The following SRGAP1 variants were observed in gnomAD, a reference collection of about 807,000 sequenced individuals.
The protein encoded by SRGAP1 is SLIT-ROBO Rho GTPase activating protein 1.
A neutral mutation model predicts 121.9 loss-of-function variants in SRGAP1; 43 were observed. That is an observed-to-expected ratio of 0.35 (90% CI 0.28 to 0.46). SRGAP1 has a LOEUF of 0.46. Among genes scored for constraint, SRGAP1 ranks in the 20% least tolerant of loss-of-function variants. The pLI, the probability that SRGAP1 is intolerant of heterozygous loss-of-function variation, is 1.00. For missense variants in SRGAP1, 1,102 were observed against 1,350.9 expected (o/e 0.82, Z 2.89); for synonymous variants, 447 against 485.4 (o/e 0.92, Z 1.04).
At chr12:64,033,892 C>T (rs975039720) in intron 4 of SRGAP1, among the ~76,000 whole-genome samples, 265 of 150,556 alleles carry the variant, frequency 1.8e-3, no homozygotes, top group Non-Finnish European at 3.3e-3. Context: ...CAGTGGCAGG[C>T]GCCTGTAATC....
intron 4 of SRGAP1, among the ~76,000 whole-genome samples, chr12:64,042,131 A>G (rs1565653217): frequency 6.6e-6 from 1 of 151,984 alleles, no homozygotes; most frequent in Non-Finnish European, 1.5e-5. Flanking sequence ...TCCTGACCTC[A>G]AGTGATCTGT....
intron 1 of SRGAP1, among the ~76,000 whole-genome samples, chr12:63,911,435 A>G (rs2030496220): frequency 6.6e-6 from 1 of 152,086 alleles, no homozygotes; most frequent in South Asian, 2.1e-4. Context: ...TCAACCTTGC[A>G]TCTATCTCTG....
At chr12:64,046,323 AG>A (rs1373429119) in intron 6 of SRGAP1, among the ~76,000 whole-genome samples, 1 of 152,148 alleles carries the variant, frequency 6.6e-6, no homozygotes, top group Admixed American at 6.5e-5. Flanking sequence ...TTTTTTGAGC[AG>A]GGAAGTGACA....
At chr12:63,911,335 A>G (rs1173931176) in intron 1 of SRGAP1, among the ~76,000 whole-genome samples, 1 of 151,996 alleles carries the variant, frequency 6.6e-6, no homozygotes, top group Middle Eastern at 3.4e-3. Flanking sequence ...AAACACCTCA[A>G]TAACTTTAAG....
chr12:64,076,204 A>G (rs2035735628), intron 8 of SRGAP1, among the ~76,000 whole-genome samples: 1 of 152,240 alleles, frequency 6.6e-6, no homozygotes, highest in Non-Finnish European at 1.5e-5. Context: ...TACAAAAAAT[A>G]TCTAGCAAAG....
chr12:63,977,694 A>G (rs986755399), intron 1 of SRGAP1, among the ~76,000 whole-genome samples: 2 of 152,036 alleles, frequency 1.3e-5, no homozygotes, highest in African/African-American at 2.4e-5. Context: ...TAACAAATTA[A>G]TTGCAGCAGT....
intron 1 of SRGAP1, among the ~76,000 whole-genome samples, chr12:63,979,856 G>A (rs574348256): frequency 6.6e-6 from 1 of 152,308 alleles, no homozygotes; most frequent in Admixed American, 6.5e-5. Context: ...GGGTAGGAAG[G>A]AAGCTGCAAT....
chr12:63,859,184 T>G (rs1328723157), intron 1 of SRGAP1, among the ~76,000 whole-genome samples: 4 of 152,200 alleles, frequency 2.6e-5, no homozygotes, highest in Non-Finnish European at 5.9e-5. Context: ...GTAGTTTGTC[T>G]TTTTTGAGAC....
intron 3 of SRGAP1, among the ~76,000 whole-genome samples, chr12:63,992,773 C>T (rs905414099): frequency 1.3e-5 from 2 of 151,666 alleles, no homozygotes; most frequent in African/African-American, 4.9e-5. Flanking sequence ...TTGCTTGCTA[C>T]CAGGAGTTCT....
chr12:63,866,791 A>G, intron 1 of SRGAP1, among the ~76,000 whole-genome samples: 1 of 151,168 alleles, frequency 6.6e-6, no homozygotes, highest in East Asian at 1.9e-4. Context: ...AGCATAGTTC[A>G]TAGACCAGTG....
chr12:64,061,917 A>G (rs1158361003), intron 6 of SRGAP1, among the ~76,000 whole-genome samples: 1 of 152,084 alleles, frequency 6.6e-6, no homozygotes, highest in Non-Finnish European at 1.5e-5. Flanking sequence ...GCTATACCAT[A>G]TTTTATTTAT....
chr12:63,906,139 CAT>C (rs1365848613), intron 1 of SRGAP1, among the ~76,000 whole-genome samples: 1 of 152,120 alleles, frequency 6.6e-6, no homozygotes, highest in Non-Finnish European at 1.5e-5. Context: ...AATCAAATAA[CAT>C]GTAGTATTTT....
intron 3 of SRGAP1, among the ~76,000 whole-genome samples, chr12:63,994,404 A>G (rs2033636042): frequency 6.6e-6 from 1 of 152,186 alleles, no homozygotes; most frequent in Admixed American, 6.6e-5. Flanking sequence ...GTAAGCAAAC[A>G]GTGATAAGTG....
At chr12:64,033,494 G>A (rs955148893) in intron 4 of SRGAP1, among the ~76,000 whole-genome samples, 6 of 151,874 alleles carry the variant, frequency 4.0e-5, no homozygotes, top group African/African-American at 7.3e-5. Context: ...TGGTGGGGGC[G>A]GATCACCTGA....
At chr12:64,036,048 C>T (rs1341198561) in intron 4 of SRGAP1, among the ~76,000 whole-genome samples, 1 of 152,188 alleles carries the variant, frequency 6.6e-6, no homozygotes, top group African/African-American at 2.4e-5. Flanking sequence ...AAATCCAGGT[C>T]TTCCTGGTTC....
intron 3 of SRGAP1, among the ~76,000 whole-genome samples, chr12:64,013,481 C>T (rs892701500): frequency 3.9e-5 from 6 of 152,140 alleles, no homozygotes; most frequent in East Asian, 1.9e-4. Context: ...TTAATTTCTA[C>T]GTTATTTACC....
At chr12:63,852,448 G>T (rs1269352588) in intron 1 of SRGAP1, among the ~76,000 whole-genome samples, 2 of 152,236 alleles carry the variant, frequency 1.3e-5, no homozygotes, top group Non-Finnish European at 2.9e-5. Flanking sequence ...TTAGAGTGGA[G>T]TGGGTTTCAT....
At chr12:63,863,124 G>A (rs138710694) in intron 1 of SRGAP1, among the ~76,000 whole-genome samples, 5 of 152,230 alleles carry the variant, frequency 3.3e-5, no homozygotes, top group South Asian at 2.1e-4. Flanking sequence ...TAATGATGCG[G>A]CACAGAAAGC....
chr12:64,014,917 C>T (rs549182218), intron 3 of SRGAP1, among the ~76,000 whole-genome samples: 7 of 152,114 alleles, frequency 4.6e-5, no homozygotes, highest in South Asian at 4.2e-4. Context: ...CCTGGGTTCA[C>T]GCAGTTCTCA....
Sources: gnomAD v4.1 joint callset for allele counts (sites outside exome capture counted in the v4.1 genomes callset) on GRCh38, gnomAD v4.1.1 for gene constraint, MANE v1.5 for transcripts, NCBI Gene and HGNC (gene_info 2026-07-23, HGNC 2026-07-21) for gene names.